Variants in CUX1 observed in about 807,000 individuals in gnomAD.
CUX1 encodes the protein cut like homeobox 1, also known as protein CASP.
Under a neutral mutation model 158.8 loss-of-function variants are expected in CUX1, and 31 were observed. That is an observed-to-expected ratio of 0.20 (90% CI 0.15 to 0.26). The LOEUF is 0.26. Ranked by LOEUF, CUX1 falls within the 10% of genes least tolerant of loss-of-function variation. The pLI, the probability that CUX1 is intolerant of heterozygous loss-of-function variation, is 1.00. For missense variants in CUX1, 1,589 were observed against 2,014.6 expected, an observed-to-expected ratio of 0.79 and a Z score of 4.04; for synonymous variants, 879 against 862.1, an observed-to-expected ratio of 1.02 and a Z score of -0.34.
At chr7:102,236,257 G>A (rs1799551915) in intron 22 of CUX1, among the ~76,000 whole-genome samples, 1 of 152,152 alleles carries the variant, frequency 6.6e-6, no homozygotes, top group Non-Finnish European at 1.5e-5. Flanking sequence ...GCCCACTGAT[G>A]ACCTGCCCAG....
chr7:102,045,660 A>G (rs1299885258), intron 3 of CUX1, among the ~76,000 whole-genome samples: 1 of 152,290 alleles, frequency 6.6e-6, no homozygotes, highest in Non-Finnish European at 1.5e-5. Flanking sequence ...GTGGAGGGCA[A>G]ATTGATTTCG....
At chr7:102,226,567 A>C (rs1017350665) in intron 20 of CUX1, among the ~76,000 whole-genome samples, 7 of 152,206 alleles carry the variant, frequency 4.6e-5, no homozygotes, top group African/African-American at 1.7e-4. Context: ...AAACCAACCT[A>C]GGTCCTGAGA....
intron 3 of CUX1, among the ~76,000 whole-genome samples, chr7:102,035,118 A>G (rs1404534313): frequency 6.6e-6 from 1 of 152,126 alleles, no homozygotes; most frequent in Non-Finnish European, 1.5e-5. Flanking sequence ...GAACAAGACA[A>G]GAATACCTAC....
chr7:102,272,104 G>T (rs1554546415), intron 14 of CUX1, among the ~76,000 whole-genome samples: 1 of 152,246 alleles, frequency 6.6e-6, no homozygotes, highest in African/African-American at 2.4e-5. Context: ...CAGAGCTGGG[G>T]GTGGATGCCT....
At chr7:102,205,076 G>A (rs376676355) in intron 19 of CUX1, 38 bp from the exon 20 acceptor site, 113 of 1,436,508 alleles carry the variant, frequency 7.9e-5, no homozygotes, top group South Asian at 6.9e-4. Flanking sequence ...GCCCTGGGCC[G>A]CGTTCCTTCC....
intron 3 of CUX1, among the ~76,000 whole-genome samples, chr7:102,038,653 A>G (rs1441644319): frequency 6.6e-6 from 1 of 152,140 alleles, no homozygotes. Context: ...CTAAATATAT[A>G]CGCTAAAGAA....
rs2129208007 is a variant in CUX1 at position 101,978,031 on chromosome 7, C to T, written c.142-50067C>T. ...CTGGTTCGGCCCACCTTGCCCATCA[C>T]TCTGCTGGGTCCCCACTCGCGCCCT... On this transcript the variant is annotated intron_variant, in intron 2 of 23. Transcript: ENST00000292535. 2.0e-5 allele frequency among the ~76,000 whole-genome samples: 3 copies of T among 151,914 alleles called. No homozygotes were observed. In the Middle Eastern group the frequency reaches 0.01, roughly 517 times the overall value.
chr7:102,156,300 C>T (rs1478474098), intron 8 of CUX1, among the ~76,000 whole-genome samples: 1 of 152,142 alleles, frequency 6.6e-6, no homozygotes, highest in Non-Finnish European at 1.5e-5. Context: ...CACAGATCTG[C>T]AGGCTGGGAA....
chr7:102,192,003 G>A (rs998020889), intron 12 of CUX1, among the ~76,000 whole-genome samples: 23 of 152,160 alleles, frequency 1.5e-4, no homozygotes, highest in African/African-American at 5.1e-4. Flanking sequence ...TGTTGCGTCC[G>A]CACATGACAG....
chr7:102,008,048 C>T (rs1489578020), intron 2 of CUX1, among the ~76,000 whole-genome samples: 4 of 152,154 alleles, frequency 2.6e-5, no homozygotes, highest in African/African-American at 9.7e-5. Context: ...CTGTTACCTT[C>T]GTCCAAACTT....
At chr7:102,170,999 A>G (rs1554510282) in intron 10 of CUX1, among the ~76,000 whole-genome samples, 1 of 152,188 alleles carries the variant, frequency 6.6e-6, no homozygotes, top group African/African-American at 2.4e-5. Flanking sequence ...CAGAGAGGTA[A>G]TAAAATAACA....
intron 3 of CUX1, among the ~76,000 whole-genome samples, chr7:102,040,214 T>C (rs146153930): frequency 4.6e-5 from 7 of 152,212 alleles, no homozygotes; most frequent in African/African-American, 1.7e-4. Flanking sequence ...CACTGGGTCT[T>C]GGGGTAGAGC....
Position 102,254,467 on chromosome 7 carries a change from C to T in CUX1, c.*5425C>T. ...ACGCCCCGTCCACAGTGGCATCACC[C>T]TCTTATCCCAAAAGAATATGCCAGT... is the stretch of plus-strand genomic sequence containing the variant. On this transcript the variant is annotated 3_prime_UTR_variant, in exon 24 of 24. Coordinates refer to ENST00000292535, the MANE Select transcript of CUX1 (RefSeq NM_181552.4). 1.0e-6 allele frequency: 1 copy of T among 985,508 alleles called. No individual in the cohort carries two copies. Among genetic ancestry groups the T allele is most frequent in the South Asian group, 4.7e-5 (1 of 21,292 alleles). 61.0% of individuals were successfully genotyped at this position (985,508 alleles called of 1,614,324 possible). A position where few individuals can be genotyped will look rare whatever the true frequency, so the allele number is the denominator to read the frequency against.
At chr7:101,930,880 T>G (rs1174510663) in intron 2 of CUX1, among the ~76,000 whole-genome samples, 3 of 152,190 alleles carry the variant, frequency 2.0e-5, no homozygotes, top group Non-Finnish European at 4.4e-5. Context: ...ACGGGTCACT[T>G]GAGGCTGGGA....
rs2529115 is a variant in CUX1, at chr7:102,254,665, G to C, written c.*5623G>C. 1 of 985,318 alleles carries C rather than the reference G, an allele frequency of 1.0e-6. No individual in the cohort carries two copies. Among genetic ancestry groups the C allele is most frequent in the Non-Finnish European group, 1.2e-6 (1 of 829,930 alleles). The allele number at this position is 985,318 out of a possible 1,614,324, so 61.0% of individuals were successfully genotyped here. A position where few individuals can be genotyped will look rare whatever the true frequency, so the allele number is the denominator to read the frequency against. Reference sequence around the variant, plus strand: ...ACCAGCCAAAGCTCACATTTAGAAAGCCCTCAGTGCTTCTGTGGTTTCACC... The same window carrying C: ...ACCAGCCAAAGCTCACATTTAGAAACCCCTCAGTGCTTCTGTGGTTTCACC... On this transcript the variant is annotated 3_prime_UTR_variant, in exon 24 of 24. Transcript: ENST00000292535.
intron 1 of CUX1, among the ~76,000 whole-genome samples, chr7:101,828,640 G>T (rs754030085): frequency 6.6e-6 from 1 of 152,192 alleles, no homozygotes; most frequent in Non-Finnish European, 1.5e-5. Flanking sequence ...CCGTCCCTGT[G>T]TCTGGGCAAA....
intron 2 of CUX1, among the ~76,000 whole-genome samples, chr7:101,973,775 T>TC (rs1331632092): frequency 4.7e-5 from 7 of 150,370 alleles, no homozygotes; most frequent in African/African-American, 1.2e-4. Flanking sequence ...TTTTTCTTTT[T>TC]TTTTTTTTTT....
intron 6 of CUX1, among the ~76,000 whole-genome samples, chr7:102,107,501 A>G (rs978189034): frequency 3.9e-5 from 6 of 152,234 alleles, no homozygotes; most frequent in African/African-American, 1.4e-4. Context: ...AGATCACACC[A>G]TTGCATTCTA....
At chr7:101,978,251 C>CA (rs1432529415) in intron 2 of CUX1, among the ~76,000 whole-genome samples, 1 of 152,206 alleles carries the variant, frequency 6.6e-6, no homozygotes, top group African/African-American at 2.4e-5. Flanking sequence ...TCCGGCTTCA[C>CA]ATGGCTTCAA....
Sources: allele counts gnomAD v4.1 joint callset (sites outside exome capture counted in the v4.1 genomes callset), GRCh38; gene constraint gnomAD v4.1.1; transcripts MANE v1.5; gene names NCBI Gene and HGNC (gene_info 2026-07-23, HGNC 2026-07-21).